The following SNAPC4 variants were observed in gnomAD, a reference collection of about 807,000 sequenced individuals.
SNAPC4 encodes the protein small nuclear RNA activating complex polypeptide 4.
SNAPC4 carries 127 observed loss-of-function variants against 151.3 expected under a neutral mutation model. That is an observed-to-expected ratio of 0.84 (90% CI 0.73 to 0.97). SNAPC4 has a LOEUF of 0.97. SNAPC4 is among the 50% of genes least tolerant of loss of function. The pLI is 0.00. For missense variants in SNAPC4, 2,186 were observed against 1,935.0 expected, an observed-to-expected ratio of 1.13 and a Z score of -2.43; for synonymous variants, 1,002 against 824.4, an observed-to-expected ratio of 1.22 and a Z score of -3.69.
intron 10 of SNAPC4, among the ~76,000 whole-genome samples, chr9:136,390,820 C>T (rs1436982890): frequency 2.6e-5 from 4 of 151,490 alleles, no homozygotes; most frequent in Admixed American, 6.6e-5. Context: ...GAAGAAAAAC[C>T]GATTTGTATT....
intron 13 of SNAPC4, among the ~76,000 whole-genome samples, chr9:136,387,060 T>G (rs1475627330): frequency 6.6e-6 from 1 of 152,234 alleles, no homozygotes; most frequent in Non-Finnish European, 1.5e-5. Context: ...AATATACACT[T>G]TAAATGAACG....
In SNAPC4 at chr9:136,378,172, T is replaced by C; in HGVS notation, c.3655A>G (p.Arg1219Gly). 1 of 1,611,544 alleles carries C rather than the reference T, an allele frequency of 6.2e-7. No homozygotes were observed. The highest frequency in any genetic ancestry group is 1.1e-5 in the South Asian group (1 of 90,870). ...FGGVIPATEP[R>G]GTPGSPSGTQ... Reference sequence around the variant, plus strand: ...CCTGAGGGGGACCCCGGCGTCCCCCTTGGCTCAGTTGCTGGGATGACACCA... The same window carrying C: ...CCTGAGGGGGACCCCGGCGTCCCCCCTGGCTCAGTTGCTGGGATGACACCA... The change falls in exon 22 of 24, where the codon AGG becomes GGG. Residue 1219 changes from arginine (R) to glycine (G), a missense_variant. Transcript: ENST00000684778.
In SNAPC4 at chr9:136,381,421, C is replaced by T. The variant is rs200127880; in HGVS notation, c.2318-29G>A. On this transcript the variant is annotated intron_variant, in intron 18 of 23. Coordinates refer to ENST00000684778, the MANE Select transcript of SNAPC4 (RefSeq NM_003086.4). ...CGGGCACAGGGGGATAAGTGGAAAG[C>T]AGCCCCAGCTCCCATGGGCACAGGG... 8.0e-4 allele frequency: 1,272 copies of T among 1,595,570 alleles called. 19 individuals carry two copies. The highest frequency in any genetic ancestry group is 7.0e-5 in the Non-Finnish European group (81 of 1,164,716).
chr9:136,391,810 T>A (rs9411271), intron 10 of SNAPC4, 132 bp downstream of exon 10: 75,839 of 965,574 alleles, frequency 0.079, 9,621 homozygotes, highest in East Asian at 0.63. Context: ...GGCCACAGCC[T>A]GGAGGTGGCA....
chr9:136,380,667 C>T (rs1833654279), intron 20 of SNAPC4, 73 bp downstream of exon 20: 2 of 840,130 alleles, frequency 2.4e-6, no homozygotes, highest in South Asian at 1.5e-5. Flanking sequence ...GGGCAGCCAG[C>T]CTCCGTGGAA....
At position 136,381,797 on chromosome 9, in the gene SNAPC4, T is replaced by C. The variant is rs1185812975; in HGVS notation, c.2317+27A>G. On this transcript the variant is annotated intron_variant, in intron 18 of 23. Transcript: ENST00000684778. ...TCATCCTCACCCCTCGCCCCCAGGA[T>C]GCTCCCAGAGGAGCCCCAGGCCATA... is the stretch of plus-strand genomic sequence containing the variant. 3.1e-6 allele frequency: 5 copies of C among 1,598,876 alleles called. No homozygotes were observed. In the Admixed American group the frequency reaches 8.4e-5, roughly 27 times the overall value.
intron 12 of SNAPC4, 38 bp downstream of exon 12, chr9:136,387,704 T>TA: frequency 6.9e-7 from 1 of 1,454,606 alleles, no homozygotes; most frequent in Non-Finnish European, 9.7e-7. Flanking sequence ...CGCGTTACCT[T>TA]CCCAGAGCCC....
rs926754281 is a variant in SNAPC4, at chr9:136,387,528, G to A, written c.1282C>T (p.Arg428Trp). The A allele has an allele frequency of 5.0e-6, 8 of 1,613,836 alleles. No individual in the cohort carries two copies. Among genetic ancestry groups the A allele is most frequent in the East Asian group, 2.2e-5 (1 of 44,896 alleles). ...TCGCTCCTACCTGGCACCTCTTCCC[G>A]GATTTTAAACCAATCCTGCTCCCCG... ...KYGEQDWFKI[R>W]EEVPGRSDAQ... The change falls in exon 13 of 24, where the codon CGG (arginine) becomes TGG (tryptophan). Residue 428 changes from arginine (R) to tryptophan (W), a missense_variant. Physicochemically the swap from Arg to Trp is moderately radical, Grantham distance 101. Transcript: ENST00000684778.
intron 22 of SNAPC4, among the ~76,000 whole-genome samples, 162 bp from the exon 23 acceptor site, chr9:136,376,643 C>A (rs532407102): frequency 6.6e-6 from 1 of 152,136 alleles, no homozygotes; most frequent in Non-Finnish European, 1.5e-5. Flanking sequence ...TGGGGCCACA[C>A]GTGACTGTGC....
chr9:136,378,833 G>A lies in SNAPC4; in HGVS notation c.2994C>T (p.Gly998=). The change falls in exon 22 of 24, where the codon GGC becomes GGT. Residue 998 remains glycine (G), a synonymous_variant. Transcript: ENST00000684778. ...PLAPVFSEAE[G]TAPAASQAPA... is the part of the protein sequence containing the mutation. ...GGGCTTGGGAAGCAGCAGGGGCTGT[G>A]CCCTCGGCCTCTGAGAAGACAGGAG... 6.2e-7 allele frequency: 1 copy of A among 1,602,572 alleles called. No homozygotes were observed. The highest frequency in any genetic ancestry group is 8.5e-7 in the Non-Finnish European group (1 of 1,174,872).
rs374636539 is a variant in SNAPC4, at chr9:136,383,915, T to C, written c.1500+38A>G. 2.4e-5 allele frequency: 34 copies of C among 1,402,868 alleles called. No homozygotes were observed. In the African/African-American group the frequency reaches 2.7e-4, roughly 11 times the overall value. 86.9% of individuals were successfully genotyped at this position (1,402,868 alleles called of 1,614,324 possible). On this transcript the variant is annotated intron_variant, in intron 15 of 23. Coordinates refer to ENST00000684778, the MANE Select transcript of SNAPC4 (RefSeq NM_003086.4). The surrounding 1 kb of genome is among the most constrained non-coding windows in gnomAD (Gnocchi z 4.2). ...CTGGACCCCCCAGTTGACCAGGCCATTGTCTGGTTTCAGATAAAGAAGGAG... is the reference window on the plus strand; with the variant it reads ...CTGGACCCCCCAGTTGACCAGGCCACTGTCTGGTTTCAGATAAAGAAGGAG...
chr9:136,383,378 G>A lies in SNAPC4; in HGVS notation c.1791C>T (p.Ser597=). 1 of 1,595,286 alleles carries A rather than the reference G, an allele frequency of 6.3e-7. No individual in the cohort carries two copies. Among genetic ancestry groups the A allele is most frequent in the Non-Finnish European group, 8.5e-7 (1 of 1,171,132 alleles). Residue 597 remains serine (S), a synonymous_variant, in exon 16 of 24, where the codon TCC becomes TCT. Coordinates refer to ENST00000684778, the MANE Select transcript of SNAPC4 (RefSeq NM_003086.4). This position sits in a 1 kb window ranked among gnomAD's most constrained non-coding sequence, Gnocchi z 4.2. The part of the protein sequence containing the change: ...AGAWLGGPAA[S]LSPPKGSSAS... ...CACTGGACCCCTTGGGAGGGCTGAG[G>A]GAGGCAGCGGGGCCTCCCAGCCAGG...
intron 2 of SNAPC4, among the ~76,000 whole-genome samples, chr9:136,397,648 A>C (rs1588770444): frequency 1.3e-5 from 1 of 78,940 alleles, no homozygotes; most frequent in African/African-American, 5.2e-5. Flanking sequence ...TGGGGAGGGG[A>C]GCACGTGGGG....
rs776593524 is a variant in SNAPC4 at position 136,378,803 on chromosome 9, G to A, written c.3024C>T (p.Ala1008=). Residue 1008 remains alanine, a synonymous_variant, in exon 22 of 24, where the codon GCC becomes GCT. Coordinates refer to ENST00000684778, the MANE Select transcript of SNAPC4 (RefSeq NM_003086.4). The part of the protein sequence containing the change: ...GTAPAASQAP[A]LGPGQISVSC... ...TCACAGAGATCTGGCCGGGGCCCAGGGCAGGGGCTTGGGAAGCAGCAGGGG... is the reference window on the plus strand; with the variant it reads ...TCACAGAGATCTGGCCGGGGCCCAGAGCAGGGGCTTGGGAAGCAGCAGGGG... The A allele has an allele frequency of 6.3e-7, 1 of 1,581,734 alleles. No homozygotes were observed. Among genetic ancestry groups the A allele is most frequent in the Non-Finnish European group, 8.6e-7 (1 of 1,163,214 alleles).
Position 136,377,803 on chromosome 9 carries a change from C to T in SNAPC4, c.4024G>A (p.Gly1342Arg), listed in dbSNP as rs150251798. The stretch of plus-strand genomic sequence containing the variant: ...AGCCCCAGTGAGGCTTGCAGTGCTC[C>T]GGCCGGCCGCTCAGCCTCGCCCCCC... ...VVGGEAERPAGALQASLGLVR... is the reference protein window; with the variant it reads ...VVGGEAERPARALQASLGLVR... The change falls in exon 22 of 24, where the codon GGA becomes AGA. Residue 1342 changes from glycine (G) to arginine (R), a missense_variant. Gly to Arg is a moderately radical substitution (Grantham distance 125, BLOSUM62 -2). Coordinates refer to ENST00000684778, the MANE Select transcript of SNAPC4 (RefSeq NM_003086.4). 155 of 1,611,640 alleles carry T rather than the reference C, an allele frequency of 9.6e-5. 2 individuals are homozygous for T. Among genetic ancestry groups the T allele is most frequent in the South Asian group, 8.0e-4 (73 of 91,064 alleles).
chr9:136,392,235 T>C (rs2131503818), intron 9 of SNAPC4, 129 bp from the exon 10 acceptor site: 1 of 1,183,420 alleles, frequency 8.5e-7, no homozygotes. Context: ...GCAATCTTCG[T>C]CCAACTCACT....
rs755449247 is a variant in SNAPC4, at chr9:136,381,873, G to A, written c.2268C>T (p.Val756=). Residue 756 remains valine, a synonymous_variant, in exon 18 of 24, where the codon GTC becomes GTT. Transcript: ENST00000684778. ...LAVTPWVGDV[V]VPCTQASQRP... The stretch of plus-strand genomic sequence containing the variant: ...TCTGGGAAGCCTGTGTGCAGGGCAC[G>A]ACAACGTCCCCTACCCAAGGGGTCA... 8.7e-6 allele frequency: 14 copies of A among 1,612,702 alleles called. No individual in the cohort carries two copies. Among genetic ancestry groups the A allele is most frequent in the East Asian group, 2.2e-5 (1 of 44,888 alleles).
rs1834227908 is a variant in SNAPC4, at chr9:136,395,340, C to T, written c.429G>A (p.Gly143=). Reference sequence around the variant, plus strand: ...CCTTGAAATACGGCTTCATGAAGTGCCCCATGTATGTGCTTGGGGGCAGGC... The same window carrying T: ...CCTTGAAATACGGCTTCATGAAGTGTCCCATGTATGTGCTTGGGGGCAGGC... ...GKSLPPSTYM[G]HFMKPYFKDK... The change falls in exon 5 of 24, where the codon GGG becomes GGA. Residue 143 remains glycine (G), a synonymous_variant. Transcript: ENST00000684778. The T allele has an allele frequency of 1.4e-5, 23 of 1,613,626 alleles. No homozygotes were observed. Among genetic ancestry groups the T allele is most frequent in the Non-Finnish European group, 1.9e-5 (23 of 1,179,966 alleles).
rs761371667 is a variant in SNAPC4, at chr9:136,380,735, G to A, written c.2499+5C>T. Reference sequence around the variant, plus strand: ...TCCTCACTTCTCACCCCAAGTGCCTGCTACCTGCAGAAGATGAACTGGTGG... The same window carrying A: ...TCCTCACTTCTCACCCCAAGTGCCTACTACCTGCAGAAGATGAACTGGTGG... On this transcript the variant is annotated splice_donor_5th_base_variant and intron_variant, in intron 20 of 23. Transcript: ENST00000684778. 5.2e-6 allele frequency: 8 copies of A among 1,534,550 alleles called. No homozygotes were observed. The highest frequency in any genetic ancestry group is 2.2e-5 in the East Asian group (1 of 44,502).
Sources: allele counts gnomAD v4.1 joint callset (sites outside exome capture counted in the v4.1 genomes callset), GRCh38; gene constraint gnomAD v4.1.1; non-coding constraint Gnocchi (gnomAD v3.1); transcripts MANE v1.5; gene names NCBI Gene and HGNC (gene_info 2026-07-23, HGNC 2026-07-21).